Variants in XAGE5 observed in about 807,000 individuals in gnomAD.
The protein encoded by XAGE5 is G antigen, family D, 5.
XAGE5 carries 13 observed loss-of-function variants against 13.1 expected under a neutral mutation model. The ratio of observed to expected loss-of-function variants is 0.99; its 90% CI spans 0.64 to 1.57. XAGE5 has a LOEUF of 1.57. Among genes scored for constraint, XAGE5 ranks in the 40% most tolerant of loss-of-function variants. The pLI, the probability that XAGE5 is intolerant of heterozygous loss-of-function variation, is 0.00. For synonymous variants in XAGE5, 17 were observed against 25.0 expected, an observed-to-expected ratio of 0.68 and a Z score of 0.96; for missense variants, 86 against 77.6, an observed-to-expected ratio of 1.11 and a Z score of -0.41.
At position 52,815,027 on chromosome X, in the gene XAGE5, A is replaced by G. The variant is rs1926877829; in HGVS notation, c.179-65A>G. Reference sequence around the variant, plus strand: ...ATTGCACAACACTGAGGAAAAGAATAGGATCATCTCCTTATTTATCATTCT... The same window carrying G: ...ATTGCACAACACTGAGGAAAAGAATGGGATCATCTCCTTATTTATCATTCT... On this transcript the variant is annotated intron_variant, in intron 4 of 5. Transcript: ENST00000375501. 34 of 1,168,543 alleles carry G rather than the reference A, an allele frequency of 2.9e-5. No individual in the cohort carries two copies. In the South Asian group the frequency reaches 6.2e-4, roughly 21 times the overall value.
rs782578654 is a variant in XAGE5, at chrX:52,812,609, C to T, written c.43C>T (p.Arg15Ter). Residue 15 changes from arginine to a stop codon, truncating the protein, a stop_gained, in exon 3 of 6, where the codon CGA (arginine) becomes TGA (stop). Transcript: ENST00000375501. LOFTEE classifies it high-confidence loss of function. ...GRRYRPRRCL[R>*]LAQLVGPMLE... The stretch of plus-strand genomic sequence containing the variant: ...AAGATATAGACCAAGACGATGTTTA[C>T]GACTTGCTCAGCTGGTTGGGCCTAT... The T allele has an allele frequency of 4.1e-6, 5 of 1,211,377 alleles. No homozygotes were observed. Among genetic ancestry groups the T allele is most frequent in the East Asian group, 3.0e-5 (1 of 33,845 alleles).
intron 3 of XAGE5, among the ~76,000 whole-genome samples, chrX:52,812,916 C>T (rs1376849222): frequency 4.5e-5 from 5 of 111,522 alleles, no homozygotes; most frequent in Admixed American, 9.6e-5. Context: ...TGGCTTCCAA[C>T]GCCATTGAGG....
chrX:52,818,072 C>T (rs1364808616), intron 5 of XAGE5, 119 bp from the exon 6 acceptor site: 216 of 867,497 alleles, frequency 2.5e-4, no homozygotes, highest in Non-Finnish European at 3.4e-4. Context: ...GGAGACTCTT[C>T]AGATTCTGGT....
chrX:52,817,116 T>C (rs1224165221), intron 5 of XAGE5, among the ~76,000 whole-genome samples: 1 of 111,989 alleles, frequency 8.9e-6, no homozygotes, highest in African/African-American at 3.2e-5. Flanking sequence ...AGATATTGAA[T>C]GTAAGGCATA....
intron 3 of XAGE5, 38 bp downstream of exon 3, chrX:52,812,676 A>T (rs782064855): frequency 8.5e-7 from 1 of 1,171,963 alleles, no homozygotes; most frequent in Non-Finnish European, 1.2e-6. Flanking sequence ...CTACTAGCAG[A>T]AATTTTTTTG....
At chrX:52,817,617 T>G (rs1310007079) in intron 5 of XAGE5, among the ~76,000 whole-genome samples, 11 of 112,206 alleles carry the variant, frequency 9.8e-5, no homozygotes, top group Admixed American at 4.7e-4. Flanking sequence ...ATCACAGCAC[T>G]TCTTCACGAT....
At chrX:52,815,793 T>C (rs782166540) in intron 5 of XAGE5, among the ~76,000 whole-genome samples, 1 of 112,428 alleles carries the variant, frequency 8.9e-6, no homozygotes, top group Non-Finnish European at 1.9e-5. Context: ...CCAATTGTAA[T>C]ATCTGAGTTG....
chrX:52,811,834 C>T (rs944849102), intron 2 of XAGE5, among the ~76,000 whole-genome samples, 115 bp downstream of exon 2: 4 of 110,942 alleles, frequency 3.6e-5, no homozygotes, highest in African/African-American at 1.3e-4. Flanking sequence ...TGCTATGTGG[C>T]AACTTCTCAA....
intron 4 of XAGE5, among the ~76,000 whole-genome samples, chrX:52,814,668 A>G (rs1926869632): frequency 8.9e-6 from 1 of 111,905 alleles, no homozygotes; most frequent in Non-Finnish European, 1.9e-5. Flanking sequence ...AAAGTCACAT[A>G]TAGGGCCTTT....
At chrX:52,816,558 T>C (rs1462405459) in intron 5 of XAGE5, among the ~76,000 whole-genome samples, 1 of 112,414 alleles carries the variant, frequency 8.9e-6, no homozygotes, top group African/African-American at 3.2e-5. Flanking sequence ...AGTCATCAGA[T>C]GATATGATTT....
chrX:52,813,989 C>T (rs782473602), intron 4 of XAGE5, among the ~76,000 whole-genome samples: 40 of 111,143 alleles, frequency 3.6e-4, no homozygotes, highest in Non-Finnish European at 6.8e-4. Flanking sequence ...GGTGACACAG[C>T]GAGACTCCAT....
intron 2 of XAGE5, among the ~76,000 whole-genome samples, 196 bp downstream of exon 2, chrX:52,811,915 C>T (rs1274098069): frequency 3.6e-5 from 4 of 111,076 alleles, no homozygotes; most frequent in Non-Finnish European, 7.5e-5. Context: ...AGGGGGGAAA[C>T]GGGCCTAGCA....
intron 5 of XAGE5, among the ~76,000 whole-genome samples, chrX:52,816,470 CTG>C (rs1556778117): frequency 8.9e-6 from 1 of 112,095 alleles, no homozygotes; most frequent in African/African-American, 3.2e-5. Flanking sequence ...TCATGAGCTA[CTG>C]TGTGTAATTA....
chrX:52,815,496 G>A (rs1366165012), intron 5 of XAGE5, among the ~76,000 whole-genome samples: 1 of 112,015 alleles, frequency 8.9e-6, no homozygotes, highest in Non-Finnish European at 1.9e-5. Flanking sequence ...AGATTATTTT[G>A]TAATTTCTGC....
intron 3 of XAGE5, 123 bp from the exon 4 acceptor site, chrX:52,813,017 C>A: frequency 1.8e-6 from 1 of 557,643 alleles, no homozygotes; most frequent in Non-Finnish European, 3.1e-6. Context: ...AGGAGCATGT[C>A]TTTAAACATG....
chrX:52,814,754 C>T (rs1556777860), intron 4 of XAGE5, among the ~76,000 whole-genome samples: 1 of 111,832 alleles, frequency 8.9e-6, no homozygotes, highest in African/African-American at 3.3e-5. Context: ...GTGTCAGGAC[C>T]ATAAGATTTG....
rs200029136 is a variant in XAGE5 at position 52,812,688 on chromosome X, G to A, written c.72+50G>A. 8.9e-4 allele frequency: 1,004 copies of A among 1,122,203 alleles called. 11 individuals carry two copies. The South Asian group carries it at 0.017, about 19-fold the overall frequency. The allele number at this position is 1,122,203 out of a possible 1,213,427, so 92.5% of individuals were successfully genotyped here. A position where few individuals can be genotyped will look rare whatever the true frequency, so the allele number is the denominator to read the frequency against. On this transcript the variant is annotated intron_variant, in intron 3 of 5. Coordinates refer to ENST00000375501, the MANE Select transcript of XAGE5 (RefSeq NM_001386970.1). ...TTTCTACTAGCAGAAATTTTTTTGT[G>A]TGGTAGTTATTGTTGAACTAGTATA...
At chrX:52,816,196 GA>G (rs1363403430) in intron 5 of XAGE5, among the ~76,000 whole-genome samples, 1 of 111,739 alleles carries the variant, frequency 8.9e-6, no homozygotes, top group Non-Finnish European at 1.9e-5. Flanking sequence ...CACCTGCCTT[GA>G]CCTCCCAAAA....
At position 52,812,440 on chromosome X, in the gene XAGE5, G is replaced by GT. The variant is rs782007257; in HGVS notation, c.-8-114dup. The GT allele has an allele frequency of 2.2e-5, 12 of 556,203 alleles. No individual in the cohort carries two copies. The East Asian group carries it at 4.2e-4, about 20-fold the overall frequency. The allele number at this position is 556,203 out of a possible 1,213,427, so 45.8% of individuals were successfully genotyped here. On this transcript the variant is annotated intron_variant, in intron 2 of 5. Coordinates refer to ENST00000375501, the MANE Select transcript of XAGE5 (RefSeq NM_001386970.1). The stretch of plus-strand genomic sequence containing the variant: ...GGTGCTCGCTACCACACCCAGCTAC[G>GT]TTTTTGTATTTTTAGTAGAGACGGG...
Sources: gnomAD v4.1 joint callset for allele counts (sites outside exome capture counted in the v4.1 genomes callset) on GRCh38, gnomAD v4.1.1 for gene constraint, MANE v1.5 for transcripts, NCBI Gene and HGNC (gene_info 2026-07-23, HGNC 2026-07-21) for gene names.